Variants in MRPL2 observed in about 807,000 individuals in gnomAD.
The protein encoded by MRPL2 is large ribosomal subunit protein uL2m.
A neutral mutation model predicts 34.6 loss-of-function variants in MRPL2; 27 were observed. The ratio of observed to expected loss-of-function variants is 0.78; its 90% CI spans 0.58 to 1.08. MRPL2 has a LOEUF of 1.08. Among genes scored for constraint, MRPL2 ranks in the 50% least tolerant of loss-of-function variants. The pLI, the probability that MRPL2 is intolerant of heterozygous loss-of-function variation, is 0.00. For missense variants in MRPL2, 414 were observed against 419.3 expected, an observed-to-expected ratio of 0.99 and a Z score of 0.11; for synonymous variants, 155 against 158.0, an observed-to-expected ratio of 0.98 and a Z score of 0.14.
chr6:43,058,360 G>A, intron 1 of MRPL2, 127 bp from the exon 2 acceptor site: 1 of 867,942 alleles, frequency 1.2e-6, no homozygotes. Flanking sequence ...TCCCAAACCA[G>A]CTATCCAAAA....
At chr6:43,056,726 G>A (rs920431808) in intron 2 of MRPL2, among the ~76,000 whole-genome samples, 6 of 147,152 alleles carry the variant, frequency 4.1e-5, no homozygotes, top group African/African-American at 1.5e-4. Flanking sequence ...CCAGGCTGGA[G>A]CGCAGTGGTG....
upstream of MRPL2, chr6:43,059,845 A>C: frequency 2.6e-6 from 3 of 1,166,524 alleles, no homozygotes; most frequent in Non-Finnish European, 3.2e-6. Flanking sequence ...CTCGGCGTCC[A>C]GACAGATAGA....
rs770010769 is a variant in MRPL2 at position 43,055,634 on chromosome 6, G to A, written c.632-16C>T. The A allele has an allele frequency of 6.2e-7, 1 of 1,613,770 alleles. No homozygotes were observed. Among genetic ancestry groups the A allele is most frequent in the African/African-American group, 1.3e-5 (1 of 74,918 alleles). Reference sequence around the variant, plus strand: ...CCACACGTCCCTGGGGAAAGAAGCTGATTTGCCACCCTCCACAAAACAGGG... The same window carrying A: ...CCACACGTCCCTGGGGAAAGAAGCTAATTTGCCACCCTCCACAAAACAGGG... On this transcript the variant is annotated splice_polypyrimidine_tract_variant and intron_variant, in intron 5 of 6. Coordinates refer to ENST00000388752, the MANE Select transcript of MRPL2 (RefSeq NM_015950.5).
chr6:43,059,597 C>G, upstream of MRPL2: 7 of 1,407,288 alleles, frequency 5.0e-6, no homozygotes, highest in Non-Finnish European at 6.5e-6. Flanking sequence ...CCCCCCCAGA[C>G]CCGTCAAAAC....
Position 43,054,188 on chromosome 6 carries a change from A to G in MRPL2, c.*86T>C. ...CCTCCCCCGCAAAAAAAAAACAACAACAAAAAAAACAAAAAACACCCAAAA... is the reference window on the plus strand; with the variant it reads ...CCTCCCCCGCAAAAAAAAAACAACAGCAAAAAAAACAAAAAACACCCAAAA... On this transcript the variant is annotated 3_prime_UTR_variant, in exon 7 of 7. Coordinates refer to ENST00000388752, the MANE Select transcript of MRPL2 (RefSeq NM_015950.5). 1 of 1,063,592 alleles carries G rather than the reference A, an allele frequency of 9.4e-7. No homozygotes were observed. Among genetic ancestry groups the G allele is most frequent in the Non-Finnish European group, 1.4e-6 (1 of 735,142 alleles). 65.9% of individuals were successfully genotyped at this position (1,063,592 alleles called of 1,614,324 possible). A position where few individuals can be genotyped will look rare whatever the true frequency, so the allele number is the denominator to read the frequency against.
At position 43,054,321 on chromosome 6, in the gene MRPL2, G is replaced by C. The variant is rs751629600; in HGVS notation, c.871C>G (p.Pro291Ala). The C allele has an allele frequency of 5.6e-6, 9 of 1,613,764 alleles. No individual in the cohort carries two copies. In the African/African-American group the frequency reaches 1.1e-4, roughly 19 times the overall value. The change falls in exon 7 of 7, where the codon CCC becomes GCC. Residue 291 changes from proline to alanine, a missense_variant. By Grantham distance (27) the Pro-to-Ala change is conservative. Coordinates refer to ENST00000388752, the MANE Select transcript of MRPL2 (RefSeq NM_015950.5). ...GGCAGCTTCACGTAACTCTTCATGG[G>C]GGGTAGTGGCCGAATCTTTCGGCCA... ...WAGRKIRPLPPMKSYVKLPSA... is the reference protein window; with the variant it reads ...WAGRKIRPLPAMKSYVKLPSA...
chr6:43,056,336 C>T lies in MRPL2; in HGVS notation c.375G>A (p.Lys125=). 1 of 1,614,130 alleles carries T rather than the reference C, an allele frequency of 6.2e-7. No individual in the cohort carries two copies. Among genetic ancestry groups the T allele is most frequent in the Non-Finnish European group, 8.5e-7 (1 of 1,179,992 alleles). Residue 125 remains lysine, a synonymous_variant, in exon 3 of 7, where the codon AAG becomes AAA. Transcript: ENST00000388752. ...AGGGATCATAGCGGACTTGGATAACCTTCTCCTCAAAGGGTCCTGACTTGG... is the reference window on the plus strand; with the variant it reads ...AGGGATCATAGCGGACTTGGATAACTTTCTCCTCAAAGGGTCCTGACTTGG... ...EETKSGPFEE[K]VIQVRYDPCR...
At chr6:43,059,448 C>T, upstream of MRPL2, 2 of 1,473,234 alleles carry the variant, frequency 1.4e-6, no homozygotes, top group South Asian at 1.4e-5. Flanking sequence ...TGTCCGGCGC[C>T]GTCGCTCCGC....
chr6:43,059,591 C>A (rs1311544178), upstream of MRPL2: 4 of 1,415,262 alleles, frequency 2.8e-6, no homozygotes, highest in East Asian at 2.6e-5. Flanking sequence ...GCCCCGCCCC[C>A]CCAGACCCGT....
At chr6:43,059,806 ACT>A (rs1347664740), upstream of MRPL2, 152 of 1,163,216 alleles carry the variant, frequency 1.3e-4, no homozygotes, top group Non-Finnish European at 1.6e-4. Flanking sequence ...AGCCTCCAAA[ACT>A]CCGCCCTTCG....
chr6:43,054,976 G>A (rs1764789902), intron 6 of MRPL2, among the ~76,000 whole-genome samples: 2 of 152,116 alleles, frequency 1.3e-5, no homozygotes, highest in African/African-American at 4.8e-5. Flanking sequence ...TACTTGGGGG[G>A]CTGAGGCAGA....
intron 5 of MRPL2, 129 bp downstream of exon 5, chr6:43,055,768 C>T (rs1445498336): frequency 5.6e-6 from 7 of 1,246,044 alleles, no homozygotes; most frequent in Admixed American, 4.7e-5. Flanking sequence ...GGTAAAAACA[C>T]ATGCATATCT....
rs879136436 is a variant in MRPL2 at position 43,055,359 on chromosome 6, G to GA, written c.705+185dup. On this transcript the variant is annotated intron_variant, in intron 6 of 6. Transcript: ENST00000388752. ...GGGCGACAGAGCAAGACTCTGTCTC[G>GA]AAAAAAAAAAAATTAATTATGGTGC... Among the ~76,000 whole-genome samples, 61 of 145,790 alleles carry GA rather than the reference G, an allele frequency of 4.2e-4. No homozygotes were observed. The South Asian group carries it at 4.7e-3, about 11-fold the overall frequency.
chr6:43,054,194 AAAAC>A lies in MRPL2; in HGVS notation c.*76_*79del. 4 of 1,144,632 alleles carry A rather than the reference AAAAC, an allele frequency of 3.5e-6. No individual in the cohort carries two copies. The highest frequency in any genetic ancestry group is 4.7e-5 in the East Asian group (2 of 42,140). 70.9% of individuals were successfully genotyped at this position (1,144,632 alleles called of 1,614,324 possible). A position where few individuals can be genotyped will look rare whatever the true frequency, so the allele number is the denominator to read the frequency against. On this transcript the variant is annotated 3_prime_UTR_variant, in exon 7 of 7. Transcript: ENST00000388752. ...CCGCAAAAAAAAAACAACAACAAAA[AAAAC>A]AAAAAACACCCAAAACAAAACCACA...
chr6:43,056,335 C>T lies in MRPL2; in HGVS notation c.376G>A (p.Val126Ile), dbSNP rs1561905649. 1 of 1,614,206 alleles carries T rather than the reference C, an allele frequency of 6.2e-7. No homozygotes were observed. Among genetic ancestry groups the T allele is most frequent in the East Asian group, 2.2e-5 (1 of 44,888 alleles). The change falls in exon 3 of 7, where the codon GTT becomes ATT. Residue 126 changes from valine (V) to isoleucine (I), a missense_variant. Transcript: ENST00000388752. ...CAGGGATCATAGCGGACTTGGATAACCTTCTCCTCAAAGGGTCCTGACTTG... is the reference window on the plus strand; with the variant it reads ...CAGGGATCATAGCGGACTTGGATAATCTTCTCCTCAAAGGGTCCTGACTTG... Reference protein sequence around the residue: ...ETKSGPFEEKVIQVRYDPCRS... With the variant: ...ETKSGPFEEKIIQVRYDPCRS...
intron 2 of MRPL2, 102 bp from the exon 3 acceptor site, chr6:43,056,547 T>G (rs1438241915): frequency 2.1e-6 from 3 of 1,402,716 alleles, no homozygotes; most frequent in Non-Finnish European, 2.9e-6. Flanking sequence ...TGCTTAGCAT[T>G]GTGGCACAAG....
rs1158146666 is a variant in MRPL2, at chr6:43,054,333, G to A, written c.859C>T (p.Arg287Trp). 1 of 1,613,596 alleles carries A rather than the reference G, an allele frequency of 6.2e-7. No homozygotes were observed. Reference sequence around the variant, plus strand: ...TAACTCTTCATGGGGGGTAGTGGCCGAATCTTTCGGCCAGCCCAGCCCCCC... The same window carrying A: ...TAACTCTTCATGGGGGGTAGTGGCCAAATCTTTCGGCCAGCCCAGCCCCCC... ...RKGGWAGRKI[R>W]PLPPMKSYVK... The change falls in exon 7 of 7, where the codon CGG becomes TGG. Residue 287 changes from arginine to tryptophan, a missense_variant. Transcript: ENST00000388752.
At chr6:43,058,358 C>G in intron 1 of MRPL2, 125 bp from the exon 2 acceptor site, 2 of 880,354 alleles carry the variant, frequency 2.3e-6, no homozygotes, top group Non-Finnish European at 3.5e-6. Flanking sequence ...TATCCCAAAC[C>G]AGCTATCCAA....
chr6:43,056,095 A>G lies in MRPL2; in HGVS notation c.506T>C (p.Ile169Thr), dbSNP rs1328508579. 3 of 1,614,116 alleles carry G rather than the reference A, an allele frequency of 1.9e-6. No individual in the cohort carries two copies. Among genetic ancestry groups the G allele is most frequent in the Non-Finnish European group, 2.5e-6 (3 of 1,180,022 alleles). The part of the protein sequence containing the change: ...AGDTILNSNH[I>T]GRMAVAAREG... ...CCATCTCTCACCTGCCATTCGGCCT[A>G]TGTGGTTAGAGTTCAAGATTGTATC... Residue 169 changes from isoleucine to threonine, a missense_variant, in exon 4 of 7, where the codon ATA becomes ACA. Transcript: ENST00000388752.
Sources: allele counts gnomAD v4.1 joint callset (sites outside exome capture counted in the v4.1 genomes callset), GRCh38; gene constraint gnomAD v4.1.1; transcripts MANE v1.5; gene names NCBI Gene and HGNC (gene_info 2026-07-23, HGNC 2026-07-21).